The following RGS17 variants were observed in gnomAD, a reference collection of about 807,000 sequenced individuals.
RGS17 encodes regulator of G protein signaling 17, also known as regulator of G-protein signaling 17.
Under a neutral mutation model 25.5 loss-of-function variants are expected in RGS17, and 12 were observed. The observed-to-expected ratio is 0.47, with a 90% confidence interval of 0.30 to 0.76. The LOEUF (loss-of-function observed/expected upper bound fraction) is 0.76, where lower values mean the gene tolerates loss of function less well. RGS17 is among the 30% of genes least tolerant of loss of function. RGS17 has a pLI of 0.07. For missense variants in RGS17, 196 were observed against 242.2 expected (o/e 0.81, Z 1.27); for synonymous variants, 71 against 76.9 (o/e 0.92, Z 0.40).
intron 4 of RGS17, among the ~76,000 whole-genome samples, chr6:153,017,892 T>C (rs1779200308): frequency 6.6e-6 from 1 of 152,246 alleles, no homozygotes; most frequent in South Asian, 2.1e-4. Context: ...TTTTCTTTTC[T>C]GCTTTTAATT....
chr6:153,078,201 CA>C (rs940981425), intron 1 of RGS17, among the ~76,000 whole-genome samples: 6 of 152,134 alleles, frequency 3.9e-5, no homozygotes, highest in Admixed American at 1.3e-4. Context: ...AATTTATCAT[CA>C]GCTTTTGTAA....
chr6:153,080,181 C>T (rs1776953221), intron 1 of RGS17, among the ~76,000 whole-genome samples: 2 of 152,052 alleles, frequency 1.3e-5, no homozygotes, highest in South Asian at 4.2e-4. Flanking sequence ...GGGGTTTCAC[C>T]ATGTTGGCCA....
intron 4 of RGS17, among the ~76,000 whole-genome samples, chr6:153,013,768 AC>A (rs1235425715): frequency 2.0e-5 from 3 of 152,222 alleles, no homozygotes; most frequent in African/African-American, 7.2e-5. Context: ...CTTAAGCCAA[AC>A]CCTAATCCAG....
Position 153,011,244 on chromosome 6 carries a change from G to T in RGS17, c.*330C>A. ...CTGGATTAAATATTACAACAACTATGTGGCAAATGAAGCATTTTACTTTGC... is the reference window on the plus strand; with the variant it reads ...CTGGATTAAATATTACAACAACTATTTGGCAAATGAAGCATTTTACTTTGC... On this transcript the variant is annotated 3_prime_UTR_variant, in exon 5 of 5. Transcript: ENST00000206262. 5.0e-6 allele frequency: 1 copy of T among 201,606 alleles called. No individual in the cohort carries two copies. Among genetic ancestry groups the T allele is most frequent in the Non-Finnish European group, 9.9e-6 (1 of 101,238 alleles). 12.5% of individuals were successfully genotyped at this position (201,606 alleles called of 1,614,324 possible). A position where few individuals can be genotyped will look rare whatever the true frequency, so the allele number is the denominator to read the frequency against.
intron 1 of RGS17, among the ~76,000 whole-genome samples, chr6:153,105,484 A>G (rs1039474751): frequency 1.3e-5 from 2 of 152,200 alleles, no homozygotes; most frequent in Non-Finnish European, 2.9e-5. Context: ...TGCCACTCAC[A>G]ATGAGCTTAT....
At chr6:153,104,140 A>G (rs562073926) in intron 1 of RGS17, among the ~76,000 whole-genome samples, 1 of 152,398 alleles carries the variant, frequency 6.6e-6, no homozygotes, top group East Asian at 1.9e-4. Flanking sequence ...AATAAGGGGT[A>G]GAGACATAAT....
At chr6:153,077,818 A>G (rs150045052) in intron 1 of RGS17, among the ~76,000 whole-genome samples, 95 of 152,080 alleles carry the variant, frequency 6.2e-4, no homozygotes, top group African/African-American at 2.1e-3. Flanking sequence ...TACTGACCAT[A>G]TATCTGTGAG....
At chr6:153,054,202 T>G (rs1177525742) in intron 1 of RGS17, among the ~76,000 whole-genome samples, 2 of 146,832 alleles carry the variant, frequency 1.4e-5, no homozygotes, top group East Asian at 4.0e-4. Flanking sequence ...AAAACTTTCT[T>G]GAGAATTGAA....
intron 2 of RGS17, among the ~76,000 whole-genome samples, chr6:153,032,947 T>C (rs1776172074): frequency 6.6e-6 from 1 of 152,170 alleles, no homozygotes; most frequent in South Asian, 2.1e-4. Context: ...TAGAAAAGGG[T>C]TTTAACTACC....
intron 1 of RGS17, among the ~76,000 whole-genome samples, chr6:153,109,634 C>T (rs751603430): frequency 6.3e-5 from 9 of 143,420 alleles, no homozygotes; most frequent in Non-Finnish European, 1.2e-4. Context: ...ATTTCAGATG[C>T]TTCAAGTAAA....
At chr6:153,068,059 A>G (rs901110666) in intron 1 of RGS17, among the ~76,000 whole-genome samples, 1 of 152,210 alleles carries the variant, frequency 6.6e-6, no homozygotes, top group Non-Finnish European at 1.5e-5. Flanking sequence ...CACAGAGGAA[A>G]AGACAGTCTC....
At position 153,036,934 on chromosome 6, in the gene RGS17, A is replaced by G. The variant is rs1338738208; in HGVS notation, c.119+6966T>C. Among the ~76,000 whole-genome samples the G allele has an allele frequency of 2.6e-5, 4 of 152,142 alleles. No individual in the cohort carries two copies. In the East Asian group the frequency reaches 5.8e-4, roughly 22 times the overall value. On this transcript the variant is annotated intron_variant, in intron 2 of 4. Transcript: ENST00000206262. ...TCCATTCCCTCAGGAGAATACTTAAAATATAAAATGGACTTTGTCCTCTCC... is the reference window on the plus strand; with the variant it reads ...TCCATTCCCTCAGGAGAATACTTAAGATATAAAATGGACTTTGTCCTCTCC...
intron 1 of RGS17, among the ~76,000 whole-genome samples, chr6:153,080,931 T>A (rs901721807): frequency 2.6e-5 from 4 of 152,098 alleles, no homozygotes; most frequent in Non-Finnish European, 4.4e-5. Flanking sequence ...AATTTCTAAT[T>A]TAATTCCATT....
chr6:153,129,133 T>C (rs970547106), intron 1 of RGS17, among the ~76,000 whole-genome samples: 3 of 152,222 alleles, frequency 2.0e-5, no homozygotes, highest in African/African-American at 7.2e-5. Flanking sequence ...CTTTTTGTAA[T>C]AACGAACACT....
chr6:153,098,479 T>C (rs1224707582), intron 1 of RGS17, among the ~76,000 whole-genome samples: 1 of 152,218 alleles, frequency 6.6e-6, no homozygotes, highest in Non-Finnish European at 1.5e-5. Context: ...ATACCTGCTT[T>C]TGTTTGGCAC....
At chr6:153,048,627 G>C (rs1776415960) in intron 1 of RGS17, among the ~76,000 whole-genome samples, 1 of 152,080 alleles carries the variant, frequency 6.6e-6, no homozygotes, top group South Asian at 2.1e-4. Flanking sequence ...TGGCCTCCTT[G>C]CTGCTCCTCA....
At chr6:153,088,180 A>G (rs1777077855) in intron 1 of RGS17, among the ~76,000 whole-genome samples, 1 of 152,130 alleles carries the variant, frequency 6.6e-6, no homozygotes, top group Non-Finnish European at 1.5e-5. Flanking sequence ...TCCCTAGTTG[A>G]GCCTTGAGAT....
At chr6:153,042,797 C>T (rs919344330) in intron 2 of RGS17, among the ~76,000 whole-genome samples, 5 of 152,110 alleles carry the variant, frequency 3.3e-5, no homozygotes, top group Non-Finnish European at 7.3e-5. Flanking sequence ...GTACAGCCCT[C>T]TTTACCTTCT....
At chr6:153,129,357 TTAGA>T (rs1777750454) in intron 1 of RGS17, among the ~76,000 whole-genome samples, 1 of 152,200 alleles carries the variant, frequency 6.6e-6, no homozygotes, top group Admixed American at 6.5e-5. Context: ...CACCCTTCCA[TTAGA>T]TAGGAGTGCT....
Sources: gnomAD v4.1 joint callset for allele counts (sites outside exome capture counted in the v4.1 genomes callset) on GRCh38, gnomAD v4.1.1 for gene constraint, MANE v1.5 for transcripts, NCBI Gene and HGNC (gene_info 2026-07-23, HGNC 2026-07-21) for gene names.